NAMPT: variants seen among roughly 807,000 people sequenced by gnomAD.
The protein encoded by NAMPT is nicotinamide phosphoribosyltransferase.
In NAMPT, 7 loss-of-function variants were observed where a neutral mutation model predicts 58.7. That is an observed-to-expected ratio of 0.12 (90% CI 0.07 to 0.22). The LOEUF is 0.22. Among genes scored for constraint, NAMPT ranks in the 10% least tolerant of loss-of-function variants. The pLI is 1.00. For synonymous variants in NAMPT, 145 were observed against 198.1 expected, an observed-to-expected ratio of 0.73 and a Z score of 2.25; for missense variants, 271 against 567.9, an observed-to-expected ratio of 0.48 and a Z score of 5.31.
intron 8 of NAMPT, among the ~76,000 whole-genome samples, chr7:106,259,916 C>T (rs1248012761): frequency 7.3e-6 from 1 of 137,886 alleles, no homozygotes; most frequent in Non-Finnish European, 1.5e-5. Flanking sequence ...TCGGTCCCAA[C>T]AGTGGGCTTA....
intron 8 of NAMPT, among the ~76,000 whole-genome samples, 188 bp from the exon 9 acceptor site, chr7:106,254,692 G>A (rs903803725): frequency 3.9e-5 from 6 of 152,284 alleles, no homozygotes; most frequent in African/African-American, 1.4e-4. Flanking sequence ...ATGTGTGGAA[G>A]GAGAGGATTT....
chr7:106,275,334 CGATT>C (rs1792613420), intron 2 of NAMPT: 1 of 191,356 alleles, frequency 5.2e-6, no homozygotes, highest in Non-Finnish European at 1.1e-5. Context: ...TTTTTTCTCT[CGATT>C]AATTTTGGTA....
chr7:106,272,102 C>T (rs1296841001), intron 4 of NAMPT: 2 of 388,258 alleles, frequency 5.2e-6, no homozygotes, highest in Non-Finnish European at 1.0e-5. Flanking sequence ...ATCCTAAGAC[C>T]TAAACTGATG....
chr7:106,260,217 C>T (rs2098291), intron 8 of NAMPT, among the ~76,000 whole-genome samples: 40,265 of 152,194 alleles, frequency 0.26, 6,248 homozygotes, highest in South Asian at 0.43. Flanking sequence ...TGTTTAGTCA[C>T]CTGCATCAAT....
rs1466888871 is a variant in NAMPT, at chr7:106,271,975, A to G, written c.447+555T>C. On this transcript the variant is annotated intron_variant, in intron 4 of 10. Coordinates refer to ENST00000222553, the MANE Select transcript of NAMPT (RefSeq NM_005746.3). ...TAGGTATACATACAAGAAAAACAAA[A>G]AAAAGGCTCGCAGTATAAACCCAAA... The G allele has an allele frequency of 1.8e-5, 4 of 219,870 alleles. No individual in the cohort carries two copies. The South Asian group carries it at 2.3e-4, about 13-fold the overall frequency. The allele number at this position is 219,870 out of a possible 1,614,324, so 13.6% of individuals were successfully genotyped here.
chr7:106,284,908 C>G lies in NAMPT; in HGVS notation c.-24G>C, dbSNP rs951468258. 31 of 1,574,192 alleles carry G rather than the reference C, an allele frequency of 2.0e-5. No individual in the cohort carries two copies. The highest frequency in any genetic ancestry group is 2.7e-5 in the African/African-American group (2 of 74,070). On this transcript the variant is annotated 5_prime_UTR_variant, in exon 1 of 11. Coordinates refer to ENST00000222553, the MANE Select transcript of NAMPT (RefSeq NM_005746.3). Reference sequence around the variant, plus strand: ...ATCTCGGGCCGGAGGACAGGGGCCGCGCGCCGCGAGCTCCCTGGCGCGGCT... The same window carrying G: ...ATCTCGGGCCGGAGGACAGGGGCCGGGCGCCGCGAGCTCCCTGGCGCGGCT...
intron 2 of NAMPT, chr7:106,275,942 T>A (rs1792628967): frequency 6.6e-6 from 1 of 152,232 alleles, no homozygotes; most frequent in African/African-American, 2.4e-5. Flanking sequence ...GCAGGAAGGA[T>A]CTCTGGAGCC....
At chr7:106,269,550 C>CA (rs1259587907) in intron 4 of NAMPT, among the ~76,000 whole-genome samples, 1 of 152,154 alleles carries the variant, frequency 6.6e-6, no homozygotes, top group Non-Finnish European at 1.5e-5. Context: ...GAGAACTTCA[C>CA]ATTATCAAGT....
chr7:106,269,567 C>T (rs1792491841), intron 4 of NAMPT, among the ~76,000 whole-genome samples: 1 of 152,086 alleles, frequency 6.6e-6, no homozygotes. Flanking sequence ...AAGTTTCTAT[C>T]CAAAGCTTCA....
intron 2 of NAMPT, chr7:106,275,951 C>G (rs1330570963): frequency 6.6e-6 from 1 of 152,200 alleles, no homozygotes; most frequent in Admixed American, 6.5e-5. Context: ...ATCTCTGGAG[C>G]CTGGGAGGCA....
At chr7:106,262,967 T>C (rs1792336487) in intron 7 of NAMPT, among the ~76,000 whole-genome samples, 1 of 152,022 alleles carries the variant, frequency 6.6e-6, no homozygotes, top group African/African-American at 2.4e-5. Flanking sequence ...GAACCTCCAC[T>C]TGAAGAGTAT....
upstream of NAMPT, chr7:106,285,226 G>A: frequency 1.9e-6 from 2 of 1,057,738 alleles, no homozygotes; most frequent in Non-Finnish European, 2.3e-6. Flanking sequence ...GGGCGGGGAG[G>A]AGGACGTGAT....
At chr7:106,276,843 CA>C (rs1303169839) in intron 2 of NAMPT, 179 bp downstream of exon 2, 16,179 of 406,952 alleles carry the variant, frequency 0.04, 39 homozygotes, top group African/African-American at 0.077. Context: ...ACTCGGTTTC[CA>C]AAAAAAAAAA....
chr7:106,269,683 G>C (rs1371891922), intron 4 of NAMPT, among the ~76,000 whole-genome samples: 1 of 152,154 alleles, frequency 6.6e-6, no homozygotes, highest in East Asian at 1.9e-4. Context: ...CTGAAACTTG[G>C]ATGTTGAGGC....
In NAMPT at chr7:106,284,953, A is replaced by T. The variant is rs1562821337; in HGVS notation, c.-69T>A. 2.6e-6 allele frequency: 4 copies of T among 1,543,326 alleles called. No homozygotes were observed. The highest frequency in any genetic ancestry group is 3.5e-6 in the Non-Finnish European group (4 of 1,140,610). On this transcript the variant is annotated 5_prime_UTR_variant, in exon 1 of 11. Coordinates refer to ENST00000222553, the MANE Select transcript of NAMPT (RefSeq NM_005746.3). ...GCGGCTGCGAGGAAGGAGAAAAATGAGCTTCACCGCGCTCCGTTGCTTAAG... is the reference window on the plus strand; with the variant it reads ...GCGGCTGCGAGGAAGGAGAAAAATGTGCTTCACCGCGCTCCGTTGCTTAAG...
rs187888294 is a variant in NAMPT, at chr7:106,270,575, C to T, written c.448-1263G>A. On this transcript the variant is annotated intron_variant, in intron 4 of 10. Transcript: ENST00000222553. ...TTGAGTCTGTGCTGTCCTTATGATT[C>T]GCTTTTGACGAACAGAATGTGGAGA... Among the ~76,000 whole-genome samples the T allele has an allele frequency of 3.3e-5, 5 of 152,236 alleles. No homozygotes were observed. The East Asian group carries it at 7.7e-4, about 24-fold the overall frequency.
At position 106,277,008 on chromosome 7, in the gene NAMPT, T is replaced by C; in HGVS notation, c.214+15A>G. 6.4e-7 allele frequency: 1 copy of C among 1,553,046 alleles called. No homozygotes were observed. Among genetic ancestry groups the C allele is most frequent in the Non-Finnish European group, 8.9e-7 (1 of 1,125,020 alleles). On this transcript the variant is annotated intron_variant, in intron 2 of 10. Transcript: ENST00000222553. ...GTAATAAGCAGTGTTTAAAATATAC[T>C]AGGAAAAGTAATACCTTTTAAGTAC... is the stretch of plus-strand genomic sequence containing the variant.
intron 1 of NAMPT, among the ~76,000 whole-genome samples, chr7:106,280,999 C>T (rs1425401343): frequency 6.6e-6 from 1 of 150,610 alleles, no homozygotes; most frequent in Non-Finnish European, 1.5e-5. Context: ...CATAACTCTT[C>T]AGTTGTGTGA....
At chr7:106,277,563 T>A (rs1171133777) in intron 1 of NAMPT, among the ~76,000 whole-genome samples, 1 of 152,176 alleles carries the variant, frequency 6.6e-6, no homozygotes. Context: ...ACTGCTAATA[T>A]CTCAATGTGG....
Sources: allele counts gnomAD v4.1 joint callset (sites outside exome capture counted in the v4.1 genomes callset), GRCh38; gene constraint gnomAD v4.1.1; transcripts MANE v1.5; gene names NCBI Gene and HGNC (gene_info 2026-07-23, HGNC 2026-07-21).